LMBRD1: variants seen among roughly 807,000 people sequenced by gnomAD.
LMBRD1 encodes the protein lysosomal cobalamin transport escort protein LMBD1.
A neutral mutation model predicts 74.8 loss-of-function variants in LMBRD1; 64 were observed. The observed-to-expected ratio is 0.86, with a 90% CI of 0.70 to 1.05. The LOEUF (loss-of-function observed/expected upper bound fraction) is 1.05. Among genes scored for constraint, LMBRD1 ranks in the 50% least tolerant of loss-of-function variants. LMBRD1 has a pLI of 0.00. For missense variants in LMBRD1, 652 were observed against 645.9 expected, an observed-to-expected ratio of 1.01 and a Z score of -0.10; for synonymous variants, 204 against 216.3, an observed-to-expected ratio of 0.94 and a Z score of 0.50.
Position 69,790,378 on chromosome 6 carries a change from G to A in LMBRD1, c.164C>T (p.Ala55Val), listed in dbSNP as rs750928457. 6.2e-7 allele frequency: 1 copy of A among 1,613,526 alleles called. No homozygotes were observed. Among genetic ancestry groups the A allele is most frequent in the Non-Finnish European group, 8.5e-7 (1 of 1,179,506 alleles). ...VSTITAIFSL[A>V]IALITSALLP... ...AAGTGCTGATGTGATAAGTGCAATTGCTAGAGAAAAAATTGCTGTTATGGT... is the reference window on the plus strand; with the variant it reads ...AAGTGCTGATGTGATAAGTGCAATTACTAGAGAAAAAATTGCTGTTATGGT... The change falls in exon 2 of 16, where the codon GCA (alanine) becomes GTA (valine). Residue 55 changes from alanine to valine, a missense_variant. Coordinates refer to ENST00000649934, the MANE Select transcript of LMBRD1 (RefSeq NM_018368.4).
intron 14 of LMBRD1, among the ~76,000 whole-genome samples, chr6:69,678,130 G>A (rs9360397): frequency 0.35 from 52,590 of 151,822 alleles, 10,038 homozygotes; most frequent in East Asian, 0.54. Context: ...CTGATAACAC[G>A]AACTATAGAT....
chr6:69,722,646 C>T (rs1200082536), intron 7 of LMBRD1, among the ~76,000 whole-genome samples: 1 of 152,056 alleles, frequency 6.6e-6, no homozygotes, highest in Admixed American at 6.6e-5. Context: ...TATAAAATAG[C>T]ATACGCAAGC....
chr6:69,748,581 AT>A, intron 5 of LMBRD1, among the ~76,000 whole-genome samples: 1 of 152,148 alleles, frequency 6.6e-6, no homozygotes, highest in South Asian at 2.1e-4. Context: ...GTAATAAGTA[AT>A]TTTTTTATTT....
At position 69,749,913 on chromosome 6, in the gene LMBRD1, T is replaced by TGC. The variant is rs1491449668; in HGVS notation, c.406-506_406-505insGC. On this transcript the variant is annotated intron_variant, in intron 4 of 15. Coordinates refer to ENST00000649934, the MANE Select transcript of LMBRD1 (RefSeq NM_018368.4). ...ACATACTCATATATACATATATAAG[T>TGC]ATATATACACATATACATACTCATA... Among the ~76,000 whole-genome samples, 121 of 115,880 alleles carry TGC rather than the reference T, an allele frequency of 1.0e-3. 1 individual carries two copies. The highest frequency in any genetic ancestry group is 4.3e-3 in the African/African-American group (98 of 22,712). The allele number at this position is 115,880 out of a possible 152,430, so 76.0% of individuals were successfully genotyped here.
chr6:69,754,153 G>C (rs1439538454), intron 3 of LMBRD1, among the ~76,000 whole-genome samples: 1 of 151,928 alleles, frequency 6.6e-6, no homozygotes, highest in Non-Finnish European at 1.5e-5. Context: ...GGGCAGAATA[G>C]AGTTACTGTT....
In LMBRD1 at chr6:69,719,030, C is replaced by A; in HGVS notation, c.688G>T (p.Ala230Ser). ...GTGTTTTCCAAACGTTCATAAGCAG[C>A]GCTTCTAGTGCCTTTTATCAGATTT... is the stretch of plus-strand genomic sequence containing the variant. ...PLNLIKGTRS[A>S]AYERLENTED... Residue 230 changes from alanine to serine, a missense_variant, in exon 8 of 16, where the codon GCT becomes TCT. Physicochemically the swap from Ala to Ser is moderately conservative, Grantham distance 99. Transcript: ENST00000649934. 1 of 1,612,708 alleles carries A rather than the reference C, an allele frequency of 6.2e-7. No individual in the cohort carries two copies. The highest frequency in any genetic ancestry group is 8.5e-7 in the Non-Finnish European group (1 of 1,179,024).
intron 3 of LMBRD1, among the ~76,000 whole-genome samples, chr6:69,769,724 T>C (rs1765539844): frequency 7.2e-6 from 1 of 139,172 alleles, no homozygotes; most frequent in South Asian, 2.4e-4. Context: ...GTCTATTTTT[T>C]TTAACGATTT....
chr6:69,748,664 AATAT>A (rs1765049278), intron 5 of LMBRD1, among the ~76,000 whole-genome samples: 1 of 148,972 alleles, frequency 6.7e-6, no homozygotes, highest in African/African-American at 2.6e-5. Context: ...ATTAACTCCT[AATAT>A]ATTTCCTAAC....
chr6:69,698,044 G>A (rs1424057519), intron 13 of LMBRD1, among the ~76,000 whole-genome samples: 4 of 151,992 alleles, frequency 2.6e-5, no homozygotes, highest in Non-Finnish European at 1.5e-5. Context: ...GGTAGGTGAA[G>A]GGGATGAGGC....
chr6:69,762,095 T>G (rs1765386737), intron 3 of LMBRD1, among the ~76,000 whole-genome samples: 3 of 152,212 alleles, frequency 2.0e-5, no homozygotes, highest in Admixed American at 2.0e-4. Flanking sequence ...TTTGCCAACT[T>G]GTAACTCAGA....
At chr6:69,725,927 C>A (rs1766724738) in intron 7 of LMBRD1, among the ~76,000 whole-genome samples, 2 of 152,096 alleles carry the variant, frequency 1.3e-5, no homozygotes, top group Non-Finnish European at 2.9e-5. Context: ...GTAAAGGGAA[C>A]AGTCAACACA....
At chr6:69,767,664 G>A (rs1765498579) in intron 3 of LMBRD1, among the ~76,000 whole-genome samples, 1 of 151,820 alleles carries the variant, frequency 6.6e-6, no homozygotes, top group Non-Finnish European at 1.5e-5. Flanking sequence ...AGTCAATTGT[G>A]TTCTGCATCC....
chr6:69,702,151 T>C (rs1766146616), intron 9 of LMBRD1, among the ~76,000 whole-genome samples, 198 bp from the exon 10 acceptor site: 1 of 151,882 alleles, frequency 6.6e-6, no homozygotes, highest in African/African-American at 2.4e-5. Flanking sequence ...TGAGAACATG[T>C]ACATAAAAGA....
Position 69,768,964 on chromosome 6 carries a change from TCTTTGG to T in LMBRD1, c.307+11524_307+11529del, listed in dbSNP as rs201219959. Among the ~76,000 whole-genome samples the T allele has an allele frequency of 4.8e-3, 728 of 152,262 alleles. 8 individuals carry two copies. Among genetic ancestry groups the T allele is most frequent in the Middle Eastern group, 0.017 (5 of 294 alleles). On this transcript the variant is annotated intron_variant, in intron 3 of 15. Transcript: ENST00000649934. ...TTTTTTGGCTGCTTTTAAATTTTTG[TCTTTGG>T]CTTTGGCTTTTAATAATTTAACAAT...
intron 1 of LMBRD1, chr6:69,790,728 A>G (rs1766063110): frequency 2.1e-6 from 1 of 468,318 alleles, no homozygotes; most frequent in East Asian, 4.2e-5. Flanking sequence ...TTTCCTCATT[A>G]AACACAGTGC....
chr6:69,724,733 G>A lies in LMBRD1; in HGVS notation c.637-5652C>T, dbSNP rs568532314. ...AGGAATATACCTCAATGTAATAAAA[G>A]CCATATATGTGAGGTCCACAGCTAG... is the stretch of plus-strand genomic sequence containing the variant. On this transcript the variant is annotated intron_variant, in intron 7 of 15. Coordinates refer to ENST00000649934, the MANE Select transcript of LMBRD1 (RefSeq NM_018368.4). 5.9e-5 allele frequency among the ~76,000 whole-genome samples: 9 copies of A among 151,806 alleles called. 1 individual carries two copies. The South Asian group carries it at 1.5e-3, about 25-fold the overall frequency.
At chr6:69,740,325 A>T (rs533825690) in intron 6 of LMBRD1, among the ~76,000 whole-genome samples, 1 of 152,290 alleles carries the variant, frequency 6.6e-6, no homozygotes, top group South Asian at 2.1e-4. Context: ...AAGAGAATGG[A>T]ATTACAAAAA....
At chr6:69,722,498 C>T (rs979379752) in intron 7 of LMBRD1, among the ~76,000 whole-genome samples, 5 of 150,580 alleles carry the variant, frequency 3.3e-5, no homozygotes, top group Non-Finnish European at 5.9e-5. Flanking sequence ...ACAGGCAGTA[C>T]AATGAGACGT....
At chr6:69,733,172 C>T (rs1232996988) in intron 7 of LMBRD1, among the ~76,000 whole-genome samples, 1 of 152,092 alleles carries the variant, frequency 6.6e-6, no homozygotes, top group Non-Finnish European at 1.5e-5. Flanking sequence ...GTTACAAATT[C>T]CATAACAAAC....
Sources: allele counts gnomAD v4.1 joint callset (sites outside exome capture counted in the v4.1 genomes callset), GRCh38; gene constraint gnomAD v4.1.1; transcripts MANE v1.5; gene names NCBI Gene and HGNC (gene_info 2026-07-23, HGNC 2026-07-21).